TDRD3: variants seen among roughly 807,000 people sequenced by gnomAD.
TDRD3 encodes tudor domain-containing protein 3.
A neutral mutation model predicts 86.7 loss-of-function variants in TDRD3; 45 were observed. The ratio of observed to expected loss-of-function variants is 0.52; its 90% CI spans 0.41 to 0.67. The LOEUF is 0.67. Ranked by LOEUF, TDRD3 falls within the 30% of genes least tolerant of loss-of-function variation. The pLI is 0.00. For missense variants in TDRD3, 814 were observed against 889.0 expected (o/e 0.92, Z 1.07); for synonymous variants, 298 against 301.7 (o/e 0.99, Z 0.13).
intron 5 of TDRD3, among the ~76,000 whole-genome samples, chr13:60,476,180 ATT>A (rs1432712286): frequency 3.3e-5 from 5 of 152,176 alleles, no homozygotes; most frequent in Admixed American, 6.6e-5. Context: ...TAGATGTTAC[ATT>A]AAAGTCTTTA....
intron 8 of TDRD3, among the ~76,000 whole-genome samples, chr13:60,499,419 C>T (rs1956785681): frequency 6.6e-6 from 1 of 152,374 alleles, no homozygotes; most frequent in Non-Finnish European, 1.5e-5. Context: ...ATAAGGTCCA[C>T]CCGAAGCAAT....
chr13:60,518,567 G>A (rs1344216345), intron 10 of TDRD3, among the ~76,000 whole-genome samples: 1 of 152,140 alleles, frequency 6.6e-6, no homozygotes, highest in African/African-American at 2.4e-5. Flanking sequence ...CCATTGATGT[G>A]TTGCTTTTTA....
At chr13:60,504,034 A>G (rs139462915) in intron 8 of TDRD3, among the ~76,000 whole-genome samples, 5 of 152,344 alleles carry the variant, frequency 3.3e-5, no homozygotes, top group African/African-American at 7.2e-5. Flanking sequence ...TGAAAAGATC[A>G]TATACTTTTT....
intron 5 of TDRD3, among the ~76,000 whole-genome samples, chr13:60,471,850 T>G (rs1594978285): frequency 6.6e-6 from 1 of 152,334 alleles, no homozygotes; most frequent in African/African-American, 2.4e-5. Flanking sequence ...TCAATTTGAA[T>G]ACCTTTATTT....
intron 10 of TDRD3, among the ~76,000 whole-genome samples, chr13:60,523,367 T>C (rs1957333341): frequency 6.6e-6 from 1 of 152,112 alleles, no homozygotes; most frequent in African/African-American, 2.4e-5. Flanking sequence ...TTTCAAATCA[T>C]GGTGATGTAA....
chr13:60,532,545 G>A (rs1227898013), intron 11 of TDRD3, among the ~76,000 whole-genome samples: 2 of 152,138 alleles, frequency 1.3e-5, no homozygotes, highest in Non-Finnish European at 2.9e-5. Flanking sequence ...GGAATTGAGT[G>A]TAACTATCAT....
chr13:60,479,416 CAT>C (rs1491139961), intron 5 of TDRD3, among the ~76,000 whole-genome samples: 2 of 152,176 alleles, frequency 1.3e-5, no homozygotes, highest in Admixed American at 6.5e-5. Flanking sequence ...TGTGGCCAAG[CAT>C]TTGGTCAATC....
intron 10 of TDRD3, among the ~76,000 whole-genome samples, chr13:60,517,451 C>T (rs1216120659): frequency 6.6e-6 from 1 of 152,158 alleles, no homozygotes; most frequent in Non-Finnish European, 1.5e-5. Context: ...AACAGCATTA[C>T]TACATATTGA....
At chr13:60,519,040 T>G (rs1566266023) in intron 10 of TDRD3, among the ~76,000 whole-genome samples, 1 of 152,200 alleles carries the variant, frequency 6.6e-6, no homozygotes. Context: ...TTAAATTAAC[T>G]TAATTTCTTT....
intron 1 of TDRD3, among the ~76,000 whole-genome samples, chr13:60,420,801 G>A (rs938217537): frequency 7.9e-5 from 12 of 152,090 alleles, no homozygotes; most frequent in Admixed American, 2.6e-4. Flanking sequence ...AAAATTAGCC[G>A]GGCGTGATGG....
intron 3 of TDRD3, among the ~76,000 whole-genome samples, chr13:60,457,211 G>A (rs1249863415): frequency 6.6e-6 from 1 of 150,984 alleles, no homozygotes; most frequent in Admixed American, 6.6e-5. Flanking sequence ...CTTAAGGCTT[G>A]ATGATTCAAA....
intron 10 of TDRD3, among the ~76,000 whole-genome samples, chr13:60,523,624 T>G (rs1957340102): frequency 6.9e-6 from 1 of 145,602 alleles, no homozygotes; most frequent in South Asian, 2.3e-4. Context: ...TCACCCAGGC[T>G]AGAATGCAGA....
intron 5 of TDRD3, among the ~76,000 whole-genome samples, chr13:60,470,333 C>T (rs1272028228): frequency 6.6e-6 from 1 of 152,114 alleles, no homozygotes; most frequent in Non-Finnish European, 1.5e-5. Context: ...CTGTTATGAA[C>T]ATGGGTACAC....
intron 8 of TDRD3, among the ~76,000 whole-genome samples, chr13:60,500,586 T>C (rs573091692): frequency 6.6e-6 from 1 of 152,276 alleles, no homozygotes; most frequent in East Asian, 1.9e-4. Flanking sequence ...ATCTTCCCAG[T>C]GGGCAGAACT....
At chr13:60,569,736 G>A (rs1958540087) in intron 13 of TDRD3, among the ~76,000 whole-genome samples, 2 of 151,968 alleles carry the variant, frequency 1.3e-5, no homozygotes, top group South Asian at 4.2e-4. Context: ...CAGACCAATG[G>A]AACAGAATGG....
At chr13:60,400,107 G>T (rs575696921) in intron 1 of TDRD3, among the ~76,000 whole-genome samples, 18 of 152,344 alleles carry the variant, frequency 1.2e-4, no homozygotes, top group Admixed American at 1.1e-3. Flanking sequence ...TTTCTACAGA[G>T]TAGTGATAAT....
At chr13:60,573,036 G>A (rs985295426) in intron 13 of TDRD3, among the ~76,000 whole-genome samples, 1 of 152,182 alleles carries the variant, frequency 6.6e-6, no homozygotes, top group Non-Finnish European at 1.5e-5. Context: ...GCCTAAGCAC[G>A]CTGTCATGCA....
intron 3 of TDRD3, among the ~76,000 whole-genome samples, chr13:60,451,001 T>C (rs1347732450): frequency 1.3e-5 from 2 of 152,152 alleles, no homozygotes; most frequent in Admixed American, 1.3e-4. Context: ...ATATTTAATG[T>C]TTTCTATTAC....
chr13:60,412,947 T>C (rs1281937688), intron 1 of TDRD3, among the ~76,000 whole-genome samples: 1 of 152,162 alleles, frequency 6.6e-6, no homozygotes, highest in Non-Finnish European at 1.5e-5. Flanking sequence ...AAAGTTGAAA[T>C]ACAGGCTCAT....
Sources: gnomAD v4.1 joint callset for allele counts (sites outside exome capture counted in the v4.1 genomes callset) on GRCh38, gnomAD v4.1.1 for gene constraint, MANE v1.5 for transcripts, NCBI Gene and HGNC (gene_info 2026-07-23, HGNC 2026-07-21) for gene names.